C5orf24: variants seen among roughly 807,000 people sequenced by gnomAD.
C5orf24 encodes the protein chromosome 5 open reading frame 24.
In C5orf24, 4 loss-of-function variants were observed where a neutral mutation model predicts 9.8. That is an observed-to-expected ratio of 0.41 (90% CI 0.20 to 0.93). The LOEUF (loss-of-function observed/expected upper bound fraction) is 0.93. Among genes scored for constraint, C5orf24 ranks in the 40% least tolerant of loss-of-function variants. The pLI, the probability that C5orf24 is intolerant of heterozygous loss-of-function variation, is 0.33. For missense variants in C5orf24, 170 were observed against 236.9 expected (o/e 0.72, Z 1.85); for synonymous variants, 73 against 81.3 (o/e 0.90, Z 0.55).
chr5:134,850,474 G>A (rs1389950689), intron 1 of C5orf24, among the ~76,000 whole-genome samples: 1 of 137,432 alleles, frequency 7.3e-6, no homozygotes, highest in African/African-American at 2.7e-5. Flanking sequence ...AAAATTGCAA[G>A]TGTTTTTTTT....
the C5orf24 span, among the ~76,000 whole-genome samples, chr5:134,840,523 A>T: frequency 6.6e-6 from 1 of 151,750 alleles, no homozygotes; most frequent in Non-Finnish European, 1.5e-5. Flanking sequence ...TTCACACGTG[A>T]ACTACCGTGC....
Position 134,857,379 on chromosome 5 carries a change from G to A in C5orf24, c.*1912G>A. ...CAGGAAAAAAGCAGCAAGCCTTCAG[G>A]TGTTCCAGTGATGCCTGACACAATT... is the stretch of plus-strand genomic sequence containing the variant. On this transcript the variant is annotated 3_prime_UTR_variant, in exon 2 of 2. Transcript: ENST00000394976. 1 of 1,548,302 alleles carries A rather than the reference G, an allele frequency of 6.5e-7. No individual in the cohort carries two copies.
At chr5:134,843,767 C>G (rs1256777890), upstream of C5orf24, among the ~76,000 whole-genome samples, 2 of 152,228 alleles carry the variant, frequency 1.3e-5, no homozygotes, top group Non-Finnish European at 2.9e-5. Context: ...GTTGGCCAGG[C>G]TGGTCTTGAA....
intron 1 of C5orf24, among the ~76,000 whole-genome samples, chr5:134,852,948 G>A (rs1297174410): frequency 2.6e-5 from 4 of 152,048 alleles, no homozygotes; most frequent in African/African-American, 7.2e-5. Context: ...GGCAGATCAC[G>A]AGGTCAGGAG....
rs866804048 is a variant in C5orf24, at chr5:134,854,974, C to G, written c.74C>G (p.Ala25Gly). 1 of 1,614,110 alleles carries G rather than the reference C, an allele frequency of 6.2e-7. No individual in the cohort carries two copies. Among genetic ancestry groups the G allele is most frequent in the African/African-American group, 1.3e-5 (1 of 75,022 alleles). ...AAGCCTTCCTGCCTCAATGAAGATG[C>G]CATGAGAGCTGCTGATCAGTTTGAC... ...PGKPSCLNED[A>G]MRAADQFDIY... The change falls in exon 2 of 2, where the codon GCC (alanine) becomes GGC (glycine). Residue 25 changes from alanine (A) to glycine (G), a missense_variant. Physicochemically the swap from Ala to Gly is moderately conservative, Grantham distance 60 (BLOSUM62 0). Coordinates refer to ENST00000394976, the MANE Select transcript of C5orf24 (RefSeq NM_001135586.1).
At chr5:134,848,147 T>C (rs1756047928) in intron 1 of C5orf24, among the ~76,000 whole-genome samples, 1 of 151,462 alleles carries the variant, frequency 6.6e-6, no homozygotes, top group African/African-American at 2.4e-5. Flanking sequence ...CCGTCTCTAC[T>C]AAAAATACGA....
rs768733990 is a variant in C5orf24 at position 134,854,965 on chromosome 5, A to G, written c.65A>G (p.Asn22Ser). 8.1e-6 allele frequency: 13 copies of G among 1,614,034 alleles called. No homozygotes were observed. The East Asian group carries it at 1.3e-4, about 17-fold the overall frequency. Residue 22 changes from asparagine (N) to serine (S), a missense_variant, in exon 2 of 2, where the codon AAT becomes AGT. Around this residue, in one of 3 missense-constraint regions of C5orf24, gnomAD observed 93 missense variants for 104.5 expected, o/e 0.89. Transcript: ENST00000394976. ...FCGPGKPSCL[N>S]EDAMRAADQF... is the part of the protein sequence containing the mutation. ...GGGCCTGGCAAGCCTTCCTGCCTCA[A>G]TGAAGATGCCATGAGAGCTGCTGAT...
Position 134,855,750 on chromosome 5 carries a change from A to G in C5orf24, c.*283A>G, listed in dbSNP as rs1756293821. 7.7e-7 allele frequency: 1 copy of G among 1,294,890 alleles called. No homozygotes were observed. The highest frequency in any genetic ancestry group is 9.9e-7 in the Non-Finnish European group (1 of 1,012,208). 80.2% of individuals were successfully genotyped at this position (1,294,890 alleles called of 1,614,324 possible). On this transcript the variant is annotated 3_prime_UTR_variant, in exon 2 of 2. Coordinates refer to ENST00000394976, the MANE Select transcript of C5orf24 (RefSeq NM_001135586.1). Reference sequence around the variant, plus strand: ...TGGTCATGTCTCATGTTTCATTACTACTTTGGGGCTGTTCTAAATAGATGC... The same window carrying G: ...TGGTCATGTCTCATGTTTCATTACTGCTTTGGGGCTGTTCTAAATAGATGC...
At chr5:134,851,169 T>C (rs954452282) in intron 1 of C5orf24, among the ~76,000 whole-genome samples, 8 of 151,970 alleles carry the variant, frequency 5.3e-5, no homozygotes, top group Non-Finnish European at 1.2e-4. Flanking sequence ...CTTAGGTGAT[T>C]TTCCCGCCTT....
upstream of C5orf24, among the ~76,000 whole-genome samples, chr5:134,841,661 A>G (rs966523848): frequency 6.6e-5 from 10 of 152,186 alleles, no homozygotes; most frequent in Non-Finnish European, 1.0e-4. Flanking sequence ...CTTCACATCT[A>G]TCTAACCCCA....
the C5orf24 span, among the ~76,000 whole-genome samples, chr5:134,834,540 G>A: frequency 1.1e-4 from 16 of 152,206 alleles, no homozygotes; most frequent in Non-Finnish European, 1.9e-4. Context: ...GATTTGGAAA[G>A]CTTGGCAGGG....
At chr5:134,846,893 G>C (rs1412897776) in intron 1 of C5orf24, 1 of 152,150 alleles carries the variant, frequency 6.6e-6, no homozygotes, top group South Asian at 2.1e-4. Flanking sequence ...TTAGAATTAT[G>C]AAACGTATAT....
the C5orf24 span, among the ~76,000 whole-genome samples, chr5:134,837,149 T>C: frequency 6.6e-6 from 1 of 151,954 alleles, no homozygotes; most frequent in Non-Finnish European, 1.5e-5. Flanking sequence ...AATTTTGTAT[T>C]TTTGGTAGAG....
chr5:134,857,049 G>T lies in C5orf24; in HGVS notation c.*1582G>T. The T allele has an allele frequency of 9.1e-7, 1 of 1,097,450 alleles. No individual in the cohort carries two copies. Among genetic ancestry groups the T allele is most frequent in the Non-Finnish European group, 1.1e-6 (1 of 889,200 alleles). 68.0% of individuals were successfully genotyped at this position (1,097,450 alleles called of 1,614,324 possible). A position where few individuals can be genotyped will look rare whatever the true frequency, so the allele number is the denominator to read the frequency against. ...AGTATTAGGTAGATATGTATAGTAGGGACAGAGGGAAATCTTTCTTCTTTC... is the reference window on the plus strand; with the variant it reads ...AGTATTAGGTAGATATGTATAGTAGTGACAGAGGGAAATCTTTCTTCTTTC... On this transcript the variant is annotated 3_prime_UTR_variant, in exon 2 of 2. Transcript: ENST00000394976.
rs1282534139 is a variant in C5orf24, at chr5:134,846,090, T to G, written c.-126T>G. 6.6e-6 allele frequency: 1 copy of G among 152,214 alleles called. No individual in the cohort carries two copies. The highest frequency in any genetic ancestry group is 1.5e-5 in the Non-Finnish European group (1 of 68,118). 9.4% of individuals were successfully genotyped at this position (152,214 alleles called of 1,614,324 possible). A position where few individuals can be genotyped will look rare whatever the true frequency, so the allele number is the denominator to read the frequency against. On this transcript the variant is annotated 5_prime_UTR_variant, in exon 1 of 2. Transcript: ENST00000394976. Reference sequence around the variant, plus strand: ...GCCGCCCTCGCTGCCTGCCACTCCGTCTTGGCCCGTTCTCCGCACCGTGCA... The same window carrying G: ...GCCGCCCTCGCTGCCTGCCACTCCGGCTTGGCCCGTTCTCCGCACCGTGCA...
chr5:134,844,333 G>GT (rs1222488400), upstream of C5orf24, among the ~76,000 whole-genome samples: 1 of 151,970 alleles, frequency 6.6e-6, no homozygotes, highest in East Asian at 1.9e-4. Flanking sequence ...GATTAATCCT[G>GT]TTTTTTTAGC....
chr5:134,854,323 G>C (rs1756249093), intron 1 of C5orf24, among the ~76,000 whole-genome samples: 1 of 152,182 alleles, frequency 6.6e-6, no homozygotes, highest in South Asian at 2.1e-4. Context: ...TAGAGATTGT[G>C]TTCATTGCTT....
chr5:134,846,945 C>G (rs1561884851), intron 1 of C5orf24: 1 of 152,180 alleles, frequency 6.6e-6, no homozygotes, highest in Non-Finnish European at 1.5e-5. Context: ...AAATAAATCT[C>G]TGAGAATTAC....
chr5:134,851,791 T>C (rs1403347325), intron 1 of C5orf24, among the ~76,000 whole-genome samples: 3 of 152,204 alleles, frequency 2.0e-5, no homozygotes, highest in Non-Finnish European at 4.4e-5. Flanking sequence ...AATCAGATAA[T>C]GTGCAAAGAA....
Sources: allele counts gnomAD v4.1 joint callset (sites outside exome capture counted in the v4.1 genomes callset), GRCh38; gene constraint gnomAD v4.1.1; regional missense constraint gnomAD v4.1.1; transcripts MANE v1.5; gene names NCBI Gene and HGNC (gene_info 2026-07-23, HGNC 2026-07-21).